WDR48: variants seen among roughly 807,000 people sequenced by gnomAD.
The protein encoded by WDR48 is WD repeat domain 48.
A neutral mutation model predicts 94.0 loss-of-function variants in WDR48; 22 were observed. The observed-to-expected ratio is 0.23, with a 90% CI of 0.17 to 0.33. The LOEUF is 0.33. Ranked by LOEUF, WDR48 falls within the 10% of genes least tolerant of loss-of-function variation. WDR48 has a pLI of 1.00. For synonymous variants in WDR48, 278 were observed against 280.5 expected (o/e 0.99, Z 0.09); for missense variants, 541 against 813.8 (o/e 0.66, Z 4.08).
chr3:39,090,348 T>C (rs2125683951), intron 16 of WDR48: 1 of 152,350 alleles, frequency 6.6e-6, no homozygotes, highest in South Asian at 2.1e-4. Flanking sequence ...TGGTTTATAT[T>C]GAATATTAAC....
intron 16 of WDR48, 67 bp from the exon 17 acceptor site, chr3:39,091,558 T>A: frequency 8.4e-7 from 1 of 1,188,218 alleles, no homozygotes; most frequent in Non-Finnish European, 1.2e-6. Flanking sequence ...CATGTTTTCC[T>A]ATTAACATTA....
At chr3:39,093,782 C>G in intron 17 of WDR48, 92 bp from the exon 18 acceptor site, 1 of 1,288,906 alleles carries the variant, frequency 7.8e-7, no homozygotes, top group Non-Finnish European at 1.0e-6. Context: ...TATTTTTCAT[C>G]TTTAAAATGT....
intron 8 of WDR48, 150 bp from the exon 9 acceptor site, chr3:39,076,989 T>C (rs1334341541): frequency 2.6e-6 from 2 of 779,406 alleles, no homozygotes; most frequent in Non-Finnish European, 4.2e-6. Flanking sequence ...GACTCTCTCA[T>C]TTTTCTGTGC....
At chr3:39,060,419 C>CAT (rs200990149) in intron 1 of WDR48, among the ~76,000 whole-genome samples, 7,507 of 147,698 alleles carry the variant, frequency 0.051, 212 homozygotes, top group Middle Eastern at 0.1. Flanking sequence ...TGTGTGTGTG[C>CAT]ATATATATAT....
At position 39,095,944 on chromosome 3, in the gene WDR48, A is replaced by T. The variant is rs2035311631; in HGVS notation, c.*1201A>T. On this transcript the variant is annotated 3_prime_UTR_variant, in exon 19 of 19. Transcript: ENST00000302313. ...ACTGTAAGACAAGCCTCCTGTATGA[A>T]GCCAGAAGCACAAGTGCCTTCAGAG... The T allele has an allele frequency of 6.6e-6, 1 of 152,650 alleles. No homozygotes were observed. Among genetic ancestry groups the T allele is most frequent in the African/African-American group, 2.4e-5 (1 of 41,450 alleles). The allele number at this position is 152,650 out of a possible 1,614,324, so 9.5% of individuals were successfully genotyped here.
intron 2 of WDR48, 92 bp downstream of exon 2, chr3:39,063,282 C>G: frequency 2.0e-6 from 3 of 1,480,834 alleles, no homozygotes; most frequent in Non-Finnish European, 2.8e-6. Context: ...CAGATTTAAT[C>G]TCTCTGAATG....
intron 14 of WDR48, among the ~76,000 whole-genome samples, chr3:39,087,430 G>A (rs1575432660): frequency 6.6e-6 from 1 of 152,284 alleles, no homozygotes; most frequent in East Asian, 1.9e-4. Flanking sequence ...CATGCTGGGC[G>A]ATATAGCAAG....
At chr3:39,064,633 G>T (rs985342378) in intron 2 of WDR48, among the ~76,000 whole-genome samples, 1 of 152,180 alleles carries the variant, frequency 6.6e-6, no homozygotes, top group Non-Finnish European at 1.5e-5. Context: ...ATGTGGCTAG[G>T]AAGTGACAGA....
intron 1 of WDR48, among the ~76,000 whole-genome samples, chr3:39,060,419 C>CATATATATATATAT (rs200990149): frequency 1.4e-5 from 2 of 147,772 alleles, no homozygotes; most frequent in African/African-American, 5.0e-5. Context: ...TGTGTGTGTG[C>CATATATATATATAT]ATATATATAT....
At chr3:39,067,716 T>A (rs909452566) in intron 5 of WDR48, among the ~76,000 whole-genome samples, 1 of 152,226 alleles carries the variant, frequency 6.6e-6, no homozygotes, top group Non-Finnish European at 1.5e-5. Context: ...CACATTGACA[T>A]AGACAATACA....
chr3:39,083,706 A>G (rs1218956491), intron 11 of WDR48, among the ~76,000 whole-genome samples: 1 of 152,220 alleles, frequency 6.6e-6, no homozygotes. Flanking sequence ...GCTAGATGGC[A>G]GTGAAGGAAA....
chr3:39,080,808 A>G (rs2034495778), intron 11 of WDR48, among the ~76,000 whole-genome samples: 1 of 152,220 alleles, frequency 6.6e-6, no homozygotes, highest in Non-Finnish European at 1.5e-5. Context: ...ATTTCAGGAA[A>G]AGGAAATGAA....
chr3:39,063,822 C>T (rs1202933157), intron 2 of WDR48, among the ~76,000 whole-genome samples: 1 of 152,098 alleles, frequency 6.6e-6, no homozygotes, highest in African/African-American at 2.4e-5. Flanking sequence ...GTGGCACACA[C>T]CTGTAGTCCC....
chr3:39,072,086 G>A (rs1031301301), intron 7 of WDR48, among the ~76,000 whole-genome samples: 1 of 152,198 alleles, frequency 6.6e-6, no homozygotes, highest in Non-Finnish European at 1.5e-5. Context: ...GGAATTGGCA[G>A]TAAGATACAT....
At chr3:39,062,195 T>C (rs1434964084) in intron 1 of WDR48, among the ~76,000 whole-genome samples, 1 of 152,184 alleles carries the variant, frequency 6.6e-6, no homozygotes, top group Non-Finnish European at 1.5e-5. Context: ...TGTCCTGAAT[T>C]GTATTGCCTA....
chr3:39,093,907 C>A lies in WDR48; in HGVS notation c.1779C>A (p.Val593=), dbSNP rs780874394. The A allele has an allele frequency of 5.6e-6, 9 of 1,611,334 alleles. No homozygotes were observed. Among genetic ancestry groups the A allele is most frequent in the South Asian group, 4.4e-5 (4 of 90,422 alleles). Residue 593 remains valine (V), a synonymous_variant, in exon 18 of 19, where the codon GTC becomes GTA. Transcript: ENST00000302313. ...TCTCTGCTAGTGACATGCTCCAAGT[C>A]CGAAAAGTTATGGAACATGTTTATG... ...DRLSASDMLQ[V]RKVMEHVYEK... is the part of the protein sequence containing the mutation.
At chr3:39,057,762 A>G (rs952511371) in intron 1 of WDR48, among the ~76,000 whole-genome samples, 20 of 152,110 alleles carry the variant, frequency 1.3e-4, no homozygotes, top group African/African-American at 4.3e-4. Flanking sequence ...AGCTGGGACT[A>G]CAGGTGCGCA....
intron 5 of WDR48, among the ~76,000 whole-genome samples, 197 bp from the exon 6 acceptor site, chr3:39,068,574 A>G (rs1416523177): frequency 6.6e-6 from 1 of 152,230 alleles, no homozygotes; most frequent in African/African-American, 2.4e-5. Context: ...GAGCATTTGT[A>G]TATATTCAAA....
intron 5 of WDR48, among the ~76,000 whole-genome samples, chr3:39,067,224 T>C (rs546206705): frequency 6.6e-6 from 1 of 152,332 alleles, no homozygotes; most frequent in African/African-American, 2.4e-5. Flanking sequence ...ACTCAGCAGG[T>C]ATTATTGAAG....
Sources: allele counts gnomAD v4.1 joint callset (sites outside exome capture counted in the v4.1 genomes callset), GRCh38; gene constraint gnomAD v4.1.1; transcripts MANE v1.5; gene names NCBI Gene and HGNC (gene_info 2026-07-23, HGNC 2026-07-21).